The following HORMAD2 variants were observed in gnomAD, a reference collection of about 807,000 sequenced individuals.
HORMAD2 encodes HORMA domain containing 2.
HORMAD2 carries 45 observed loss-of-function variants against 38.8 expected under a neutral mutation model. The ratio of observed to expected loss-of-function variants is 1.16; its 90% CI spans 0.91 to 1.49. The LOEUF (loss-of-function observed/expected upper bound fraction) is 1.49, where lower values mean the gene tolerates loss of function less well. Ranked by LOEUF, HORMAD2 falls within the 40% of genes most tolerant of loss-of-function variation. The probability of loss-of-function intolerance (pLI) is 0.00; values close to 1 mark genes in which losing one functional copy is unlikely to be tolerated. For missense variants in HORMAD2, 338 were observed against 367.0 expected, an observed-to-expected ratio of 0.92 and a Z score of 0.65; for synonymous variants, 126 against 122.8, an observed-to-expected ratio of 1.03 and a Z score of -0.17.
chr22:30,181,469 G>T (rs1926715066), downstream of HORMAD2, among the ~76,000 whole-genome samples: 1 of 152,154 alleles, frequency 6.6e-6, no homozygotes, highest in Non-Finnish European at 1.5e-5. Context: ...CATCAAGATA[G>T]TTCAATGGGA....
At chr22:30,204,344 A>C in the HORMAD2 span, among the ~76,000 whole-genome samples, 1 of 152,200 alleles carries the variant, frequency 6.6e-6, no homozygotes, top group African/African-American at 2.4e-5. Context: ...TAAGTTTCAC[A>C]GCCTGAGTCT....
chr22:30,163,791 T>C (rs1925601814), intron 10 of HORMAD2, among the ~76,000 whole-genome samples: 1 of 152,166 alleles, frequency 6.6e-6, no homozygotes, highest in Non-Finnish European at 1.5e-5. Context: ...TGTGGTAAAA[T>C]ATACATAATA....
chr22:30,177,327 C>A (rs1350061947), downstream of HORMAD2, among the ~76,000 whole-genome samples: 1 of 152,190 alleles, frequency 6.6e-6, no homozygotes, highest in Non-Finnish European at 1.5e-5. Context: ...TAAAGTGAAT[C>A]TCTGTAGGAA....
intron 10 of HORMAD2, among the ~76,000 whole-genome samples, chr22:30,156,162 T>G (rs1236670821): frequency 6.6e-6 from 1 of 152,224 alleles, no homozygotes; most frequent in Non-Finnish European, 1.5e-5. Flanking sequence ...CTGATACAGA[T>G]GCTTAGCTTG....
chr22:30,179,136 C>A (rs1926599329), downstream of HORMAD2, among the ~76,000 whole-genome samples: 1 of 152,248 alleles, frequency 6.6e-6, no homozygotes, highest in Middle Eastern at 3.4e-3. Flanking sequence ...TTTATGGTTT[C>A]AAACCCAACA....
chr22:30,087,170 G>A (rs1385777095), intron 1 of HORMAD2, among the ~76,000 whole-genome samples: 2 of 152,140 alleles, frequency 1.3e-5, no homozygotes, highest in East Asian at 3.9e-4. Context: ...CTACATTTGA[G>A]AAATATTAAG....
intron 10 of HORMAD2, among the ~76,000 whole-genome samples, chr22:30,148,939 A>G (rs1171170112): frequency 1.3e-5 from 2 of 152,190 alleles, no homozygotes; most frequent in East Asian, 3.8e-4. Context: ...AGATAGTGCC[A>G]CTGCACTCCA....
the HORMAD2 span, among the ~76,000 whole-genome samples, chr22:30,187,022 T>A: frequency 6.6e-6 from 1 of 152,202 alleles, no homozygotes; most frequent in South Asian, 2.1e-4. Flanking sequence ...ACTACGTTAG[T>A]TGAGGACAAA....
chr22:30,097,805 A>C (rs1171350571), intron 2 of HORMAD2, among the ~76,000 whole-genome samples: 1 of 152,220 alleles, frequency 6.6e-6, no homozygotes, highest in East Asian at 1.9e-4. Context: ...TTCTGATGGC[A>C]ATATGGAAGA....
chr22:30,163,868 G>GTGCAACTGTCACCGTTATCCATT (rs1467748961), intron 10 of HORMAD2, among the ~76,000 whole-genome samples: 1 of 151,858 alleles, frequency 6.6e-6, no homozygotes, highest in Non-Finnish European at 1.5e-5. Context: ...TCACATTGTT[G>GTGCAACTGTCACCGTTATCCATT]TGCAACTGTC....
chr22:30,094,036 C>A, intron 2 of HORMAD2, 33 bp downstream of exon 2: 2 of 1,426,040 alleles, frequency 1.4e-6, no homozygotes, highest in South Asian at 1.2e-5. Flanking sequence ...AAATCAATGA[C>A]CATTTAGTGA....
chr22:30,099,273 G>A (rs906494078), intron 3 of HORMAD2, among the ~76,000 whole-genome samples: 4 of 152,308 alleles, frequency 2.6e-5, no homozygotes, highest in African/African-American at 9.6e-5. Flanking sequence ...AAATCTATTT[G>A]AATGCTGTAG....
intron 10 of HORMAD2, among the ~76,000 whole-genome samples, chr22:30,167,636 T>C (rs2123729974): frequency 6.6e-6 from 1 of 152,294 alleles, no homozygotes; most frequent in African/African-American, 2.4e-5. Flanking sequence ...ACAGAAATTG[T>C]AGAGTCATGA....
intron 10 of HORMAD2, among the ~76,000 whole-genome samples, chr22:30,159,934 A>T (rs894092618): frequency 6.6e-6 from 1 of 152,092 alleles, no homozygotes; most frequent in African/African-American, 2.4e-5. Context: ...CTAAGTTTTC[A>T]TGAGTCAGGG....
the HORMAD2 span, among the ~76,000 whole-genome samples, chr22:30,190,236 T>G: frequency 6.6e-6 from 1 of 152,204 alleles, no homozygotes; most frequent in Admixed American, 6.5e-5. Context: ...CTTTCTCTAC[T>G]AAAGTAATTT....
intron 1 of HORMAD2, among the ~76,000 whole-genome samples, chr22:30,086,530 T>C (rs1193541306): frequency 6.6e-6 from 1 of 152,130 alleles, no homozygotes; most frequent in East Asian, 1.9e-4. Flanking sequence ...GAGTCAAATC[T>C]TGAAGCCATG....
rs575647106 is a variant in HORMAD2, at chr22:30,128,795, T to C, written c.819+6581T>C. Among the ~76,000 whole-genome samples the C allele has an allele frequency of 4.6e-5, 7 of 152,266 alleles. No homozygotes were observed. The South Asian group carries it at 1.5e-3, about 32-fold the overall frequency. On this transcript the variant is annotated intron_variant, in intron 10 of 10. Coordinates refer to ENST00000336726, the MANE Select transcript of HORMAD2 (RefSeq NM_152510.4). The stretch of plus-strand genomic sequence containing the variant: ...TGCAGATATACACGTGTGTTCAAGA[T>C]AGAGTATATGATTAGGGTGTTGCAA...
chr22:30,145,232 G>T (rs1416478258), intron 10 of HORMAD2, among the ~76,000 whole-genome samples: 1 of 152,116 alleles, frequency 6.6e-6, no homozygotes, highest in Non-Finnish European at 1.5e-5. Context: ...CAATATTCTG[G>T]CAAAGGCAAA....
chr22:30,093,102 T>C (rs1303822134), intron 1 of HORMAD2, among the ~76,000 whole-genome samples: 1 of 152,192 alleles, frequency 6.6e-6, no homozygotes, highest in Non-Finnish European at 1.5e-5. Flanking sequence ...ATTTTAGCAA[T>C]ATTAATTCTT....
Sources: allele counts gnomAD v4.1 joint callset (sites outside exome capture counted in the v4.1 genomes callset), GRCh38; gene constraint gnomAD v4.1.1; transcripts MANE v1.5; gene names NCBI Gene and HGNC (gene_info 2026-07-23, HGNC 2026-07-21).